The following ANOS1 variants were observed in gnomAD, a reference collection of about 807,000 sequenced individuals.
The protein encoded by ANOS1 is anosmin 1.
A neutral mutation model predicts 59.0 loss-of-function variants in ANOS1; 6 were observed. The ratio of observed to expected loss-of-function variants is 0.10; its 90% CI spans 0.06 to 0.20. ANOS1 has a LOEUF of 0.20. ANOS1 is among the 10% of genes least tolerant of loss of function. ANOS1 has a pLI of 1.00. For missense variants in ANOS1, 433 were observed against 542.3 expected (o/e 0.80, Z 2.00); for synonymous variants, 217 against 223.4 (o/e 0.97, Z 0.25).
At chrX:8,681,859 A>C (rs1418385759) in intron 2 of ANOS1, among the ~76,000 whole-genome samples, 15 of 112,339 alleles carry the variant, frequency 1.3e-4, no homozygotes, top group African/African-American at 3.9e-4. Flanking sequence ...TAATGACCAA[A>C]GATCAAGCCA....
chrX:8,706,673 C>T (rs758238060), intron 1 of ANOS1, among the ~76,000 whole-genome samples: 128 of 111,511 alleles, frequency 1.1e-3, no homozygotes, highest in Non-Finnish European at 1.8e-3. Context: ...ATTCTCTGTA[C>T]CTTCTGCTCA....
chrX:8,704,704 C>G (rs766043482), intron 1 of ANOS1, among the ~76,000 whole-genome samples: 284 of 112,287 alleles, frequency 2.5e-3, no homozygotes, highest in African/African-American at 8.3e-3. Context: ...GACAGCATGT[C>G]ATAGGCTGCT....
Position 8,597,195 on chromosome X carries a change from A to T in ANOS1, c.380T>A (p.Leu127Gln). 8.3e-7 allele frequency: 1 copy of T among 1,211,871 alleles called. No individual in the cohort carries two copies. Among genetic ancestry groups the T allele is most frequent in the East Asian group, 3.0e-5 (1 of 33,832 alleles). ...LTSCEFLKYI[L>Q]LVKQGDCPAP... ...CGGACAGTCCCCCTGCTTCACCAAC[A>T]GGATGTATTTGAGGAACTCACAGCT... The change falls in exon 4 of 14, where the codon CTG (leucine) becomes CAG (glutamine). Residue 127 changes from leucine (L) to glutamine (Q), a missense_variant. Transcript: ENST00000262648.
Position 8,554,092 on chromosome X carries a change from T to A in ANOS1, c.1214A>T (p.Gln405Leu), listed in dbSNP as rs768051496. The change falls in exon 9 of 14, where the codon CAG becomes CTG. Residue 405 changes from glutamine (Q) to leucine (L), a missense_variant. Physicochemically the swap from Gln to Leu is moderately radical, Grantham distance 113. Transcript: ENST00000262648. ...TCCACCTTTTCTAGTTTTCACAAGC[T>A]GTTCTTCTACAACAAAGTACAACAT... ...TSTHATNNKE[Q>L]LVKTRKGGIQ... The A allele has an allele frequency of 2.5e-6, 3 of 1,202,357 alleles. No homozygotes were observed. The East Asian group carries it at 8.9e-5, about 36-fold the overall frequency.
At position 8,699,761 on chromosome X, in the gene ANOS1, G is replaced by A; in HGVS notation, c.208-16C>T. 2 of 1,155,920 alleles carry A rather than the reference G, an allele frequency of 1.7e-6. No individual in the cohort carries two copies. Among genetic ancestry groups the A allele is most frequent in the Non-Finnish European group, 2.4e-6 (2 of 850,730 alleles). Reference sequence around the variant, plus strand: ...AACCATTGTTCTGCAAAAAGAAAAAGGAAAAATATTGATCCATTAGAAAGC... The same window carrying A: ...AACCATTGTTCTGCAAAAAGAAAAAAGAAAAATATTGATCCATTAGAAAGC... On this transcript the variant is annotated splice_polypyrimidine_tract_variant and intron_variant, in intron 1 of 13. Coordinates refer to ENST00000262648, the MANE Select transcript of ANOS1 (RefSeq NM_000216.4).
intron 2 of ANOS1, among the ~76,000 whole-genome samples, chrX:8,684,822 G>C (rs1007809943): frequency 2.7e-5 from 3 of 110,796 alleles, no homozygotes; most frequent in Non-Finnish European, 5.7e-5. Flanking sequence ...AGAACTCGGA[G>C]ACTTGCAGCC....
At position 8,661,151 on chromosome X, in the gene ANOS1, T is replaced by G. The variant is rs189741104; in HGVS notation, c.256-37481A>C. Among the ~76,000 whole-genome samples the G allele has an allele frequency of 4.6e-3, 507 of 111,193 alleles. 2 individuals are homozygous for G. The highest frequency in any genetic ancestry group is 0.016 in the African/African-American group (487 of 30,536). On this transcript the variant is annotated intron_variant, in intron 2 of 13. Transcript: ENST00000262648. Reference sequence around the variant, plus strand: ...GTCTTCTCCCTGTGTCCTCATGTGGTCGACCCTCTGTGTGTGTCTATGTCC... The same window carrying G: ...GTCTTCTCCCTGTGTCCTCATGTGGGCGACCCTCTGTGTGTGTCTATGTCC...
intron 5 of ANOS1, among the ~76,000 whole-genome samples, chrX:8,585,979 A>G (rs751606909): frequency 4.3e-4 from 48 of 112,385 alleles, no homozygotes; most frequent in African/African-American, 1.4e-3. Context: ...AAGGAAAAAA[A>G]TAGACACTGG....
intron 2 of ANOS1, among the ~76,000 whole-genome samples, chrX:8,687,062 C>T (rs980827368): frequency 4.5e-5 from 5 of 112,145 alleles, no homozygotes; most frequent in Non-Finnish European, 7.5e-5. Context: ...GCAGCCCCAA[C>T]GACTAGGTTT....
At chrX:8,681,534 A>G (rs1932425947) in intron 2 of ANOS1, among the ~76,000 whole-genome samples, 1 of 111,220 alleles carries the variant, frequency 9.0e-6, no homozygotes, top group Non-Finnish European at 1.9e-5. Context: ...AAGAAAGGAG[A>G]ACCATACCCG....
intron 2 of ANOS1, among the ~76,000 whole-genome samples, chrX:8,669,608 A>G (rs971891893): frequency 5.5e-5 from 6 of 109,426 alleles, no homozygotes; most frequent in African/African-American, 2.0e-4. Flanking sequence ...AAAAAAAAAT[A>G]GCCTATTATT....
intron 2 of ANOS1, among the ~76,000 whole-genome samples, chrX:8,664,409 G>A (rs866735706): frequency 3.4e-4 from 37 of 110,195 alleles, no homozygotes; most frequent in Middle Eastern, 9.3e-3. Context: ...TAGCCAGGAT[G>A]GTCTCAATCT....
At chrX:8,571,391 T>C (rs182346097) in intron 6 of ANOS1, among the ~76,000 whole-genome samples, 1 of 111,760 alleles carries the variant, frequency 8.9e-6, no homozygotes, top group East Asian at 2.8e-4. Context: ...AATCACCTTT[T>C]AACACTCTGA....
chrX:8,697,041 C>A (rs1047219200), intron 2 of ANOS1, among the ~76,000 whole-genome samples: 4 of 112,094 alleles, frequency 3.6e-5, no homozygotes, highest in African/African-American at 1.3e-4. Context: ...AAAATGTTTT[C>A]TTCCAGCCTG....
intron 11 of ANOS1, among the ~76,000 whole-genome samples, chrX:8,536,283 T>C (rs1401220571): frequency 2.1e-5 from 2 of 95,441 alleles, no homozygotes; most frequent in African/African-American, 7.6e-5. Context: ...GATTCTCTCA[T>C]CTCAGCCTCT....
chrX:8,705,520 A>C (rs758205615), intron 1 of ANOS1, among the ~76,000 whole-genome samples: 230 of 111,615 alleles, frequency 2.1e-3, no homozygotes, highest in African/African-American at 7.4e-3. Context: ...AGAACTTCTA[A>C]GAACCCTGCC....
At chrX:8,581,598 G>C (rs999292670) in intron 6 of ANOS1, among the ~76,000 whole-genome samples, 4 of 111,517 alleles carry the variant, frequency 3.6e-5, no homozygotes, top group Non-Finnish European at 7.5e-5. Flanking sequence ...CAGAATTATG[G>C]GAGTTTAACA....
rs1929946630 is a variant in ANOS1 at position 8,556,205 on chromosome X, A to T, written c.1208-2107T>A. ...CTCAAAATAATAAGAGCTATTGATG[A>T]CAAACCCACAGCCAATATCATACTG... On this transcript the variant is annotated intron_variant, in intron 8 of 13. Coordinates refer to ENST00000262648, the MANE Select transcript of ANOS1 (RefSeq NM_000216.4). Among the ~76,000 whole-genome samples the T allele has an allele frequency of 2.7e-5, 3 of 112,249 alleles. 1 individual carries two copies. In the South Asian group the frequency reaches 1.1e-3, roughly 41 times the overall value.
In ANOS1 at chrX:8,568,310, T is replaced by C. The variant is rs1930156978; in HGVS notation, c.1129A>G (p.Ile377Val). ...AGCCGTGTCTGTCCCCAGTACGTTA[T>C]GGCTTGCAATTCCACAACATAGTCA... ...DCDYVVELQAITYWGQTRLKS... is the reference protein window; with the variant it reads ...DCDYVVELQAVTYWGQTRLKS... Residue 377 changes from isoleucine to valine, a missense_variant, in exon 8 of 14, where the codon ATA becomes GTA. Transcript: ENST00000262648. 8.3e-7 allele frequency: 1 copy of C among 1,209,172 alleles called. No homozygotes were observed. The highest frequency in any genetic ancestry group is 1.7e-5 in the African/African-American group (1 of 57,768).
Sources: allele counts gnomAD v4.1 joint callset (sites outside exome capture counted in the v4.1 genomes callset), GRCh38; gene constraint gnomAD v4.1.1; transcripts MANE v1.5; gene names NCBI Gene and HGNC (gene_info 2026-07-23, HGNC 2026-07-21).